KIF13B: variants seen among roughly 807,000 people sequenced by gnomAD.
The protein encoded by KIF13B is kinesin family member 13B, also known as kinesin-like protein KIF13B.
A neutral mutation model predicts 222.0 loss-of-function variants in KIF13B; 127 were observed. The ratio of observed to expected loss-of-function variants is 0.57; its 90% CI spans 0.50 to 0.66. The LOEUF (loss-of-function observed/expected upper bound fraction) is 0.66, where lower values mean the gene tolerates loss of function less well. Among genes scored for constraint, KIF13B ranks in the 30% least tolerant of loss-of-function variants. The pLI is 0.00. For synonymous variants in KIF13B, 976 were observed against 919.0 expected (o/e 1.06, Z -1.12); for missense variants, 2,173 against 2,379.0 (o/e 0.91, Z 1.80).
chr8:29,115,516 G>C (rs1191539360), intron 31 of KIF13B, among the ~76,000 whole-genome samples: 2 of 151,948 alleles, frequency 1.3e-5, no homozygotes, highest in Non-Finnish European at 2.9e-5. Flanking sequence ...AGTAGAGACA[G>C]GGTTTCTCCA....
At chr8:29,236,379 T>C (rs1408296601) in intron 2 of KIF13B, among the ~76,000 whole-genome samples, 1 of 152,152 alleles carries the variant, frequency 6.6e-6, no homozygotes, top group African/African-American at 2.4e-5. Flanking sequence ...AAATTAATGG[T>C]TTTCAGGGGT....
intron 2 of KIF13B, among the ~76,000 whole-genome samples, chr8:29,231,885 T>C (rs1050327076): frequency 1.3e-5 from 2 of 152,188 alleles, no homozygotes; most frequent in Non-Finnish European, 1.5e-5. Flanking sequence ...AATTTTTTTT[T>C]AAGAATTATA....
rs1311600973 is a variant in KIF13B at position 29,070,182 on chromosome 8, GGCCCCA to G, written c.*316_*321del. ...GGAAATGATAGAAAGAGCAACATAA[GGCCCCA>G]GGCACAGGCACACAGCAAGATCACC... On this transcript the variant is annotated 3_prime_UTR_variant, in exon 40 of 40. Transcript: ENST00000524189. This position sits in a 1 kb window ranked among gnomAD's most constrained non-coding sequence, Gnocchi z 4.1. The G allele has an allele frequency of 4.9e-6, 2 of 406,116 alleles. No individual in the cohort carries two copies. Among genetic ancestry groups the G allele is most frequent in the African/African-American group, 4.3e-5 (2 of 46,658 alleles). 25.2% of individuals were successfully genotyped at this position (406,116 alleles called of 1,614,324 possible).
At chr8:29,263,107 C>A (rs1816751528), upstream of KIF13B, 11 of 641,348 alleles carry the variant, frequency 1.7e-5, no homozygotes, top group South Asian at 1.3e-4. Context: ...GTTGACCCGG[C>A]GGGAGGGGGC....
At chr8:29,118,346 T>C (rs922897922) in intron 30 of KIF13B, among the ~76,000 whole-genome samples, 1 of 147,054 alleles carries the variant, frequency 6.8e-6, no homozygotes, top group Non-Finnish European at 1.5e-5. Context: ...AAAAAAAAAA[T>C]TAGCCAGGCA....
intron 2 of KIF13B, among the ~76,000 whole-genome samples, chr8:29,203,430 T>C (rs1401301594): frequency 6.6e-6 from 1 of 152,220 alleles, no homozygotes; most frequent in Non-Finnish European, 1.5e-5. Flanking sequence ...CCCTAGACAC[T>C]ATCTTTCTTA....
intron 2 of KIF13B, among the ~76,000 whole-genome samples, chr8:29,196,910 T>C (rs1035468566): frequency 6.6e-6 from 1 of 152,192 alleles, no homozygotes; most frequent in African/African-American, 2.4e-5. Context: ...TTGGATTTTC[T>C]ATGTGGGATG....
intron 12 of KIF13B, among the ~76,000 whole-genome samples, chr8:29,164,932 C>T (rs116745683): frequency 0.014 from 2,184 of 152,108 alleles, 56 homozygotes; most frequent in African/African-American, 0.049. Flanking sequence ...ACTCCAATCT[C>T]CACCTCCCGG....
chr8:29,114,562 A>G (rs1162006229), intron 31 of KIF13B, among the ~76,000 whole-genome samples: 1 of 152,134 alleles, frequency 6.6e-6, no homozygotes, highest in Non-Finnish European at 1.5e-5. Flanking sequence ...TTCCATTTGT[A>G]TGGAATTAGT....
chr8:29,256,970 G>T (rs1286650537), intron 1 of KIF13B, among the ~76,000 whole-genome samples: 2 of 152,074 alleles, frequency 1.3e-5, no homozygotes, highest in Non-Finnish European at 2.9e-5. Context: ...GGCCAGTCTG[G>T]TCTCAAACTC....
rs145873231 is a variant in KIF13B, at chr8:29,213,903, G to A, written c.150-17704C>T. ...CGGCAGGCGGAGGTTGCAGTGAGCCGAGATTGAGCCACAGCACTCCAGTCT... is the reference window on the plus strand; with the variant it reads ...CGGCAGGCGGAGGTTGCAGTGAGCCAAGATTGAGCCACAGCACTCCAGTCT... On this transcript the variant is annotated intron_variant, in intron 2 of 39. Coordinates refer to ENST00000524189, the MANE Select transcript of KIF13B (RefSeq NM_015254.4). Among the ~76,000 whole-genome samples the A allele has an allele frequency of 4.0e-3, 612 of 152,172 alleles. 4 individuals are homozygous for A. Among genetic ancestry groups the A allele is most frequent in the African/African-American group, 0.014 (570 of 41,512 alleles).
At chr8:29,258,822 C>T (rs150115397) in intron 1 of KIF13B, among the ~76,000 whole-genome samples, 66 of 152,328 alleles carry the variant, frequency 4.3e-4, no homozygotes, top group African/African-American at 1.5e-3. Context: ...TAGCAGCCTG[C>T]TACAGCTGTT....
At chr8:29,165,904 T>TTCGATTGTAGATCGAAATACC in intron 11 of KIF13B, 132 bp from the exon 12 acceptor site, 1 of 567,658 alleles carries the variant, frequency 1.8e-6, no homozygotes, top group Middle Eastern at 2.9e-4. Context: ...TGACATCTAC[T>TTCGATTGTAGATCGAAATACC]TCGATTGTAG....
At chr8:29,083,330 G>C (rs1203404330) in intron 37 of KIF13B, among the ~76,000 whole-genome samples, 1 of 152,136 alleles carries the variant, frequency 6.6e-6, no homozygotes, top group Non-Finnish European at 1.5e-5. Flanking sequence ...AGCTAGTTTT[G>C]ACAGAGACCA....
At position 29,222,446 on chromosome 8, in the gene KIF13B, G is replaced by A. The variant is rs182463854; in HGVS notation, c.149+22900C>T. Among the ~76,000 whole-genome samples, 314 of 149,342 alleles carry A rather than the reference G, an allele frequency of 2.1e-3. 1 individual carries two copies. Among genetic ancestry groups the A allele is most frequent in the African/African-American group, 6.3e-3 (254 of 40,498 alleles). ...AAATGGGTCTCAATCTGTCGCCCAG[G>A]CTAAAGTGTAGTAGTAAAATCATAG... On this transcript the variant is annotated intron_variant, in intron 2 of 39. Transcript: ENST00000524189.
intron 2 of KIF13B, among the ~76,000 whole-genome samples, chr8:29,208,941 C>A (rs2130461151): frequency 6.6e-6 from 1 of 152,302 alleles, no homozygotes. Context: ...GTGCATCTGC[C>A]AAACCCAAGT....
chr8:29,256,077 C>T (rs544659059), intron 1 of KIF13B, among the ~76,000 whole-genome samples: 1 of 152,216 alleles, frequency 6.6e-6, no homozygotes, highest in East Asian at 1.9e-4. Context: ...GCACTTCAGA[C>T]ACCTAAAACT....
In KIF13B at chr8:29,083,114, G is replaced by A. The variant is rs551865761; in HGVS notation, c.4459-7771C>T. Among the ~76,000 whole-genome samples, 13 of 152,160 alleles carry A rather than the reference G, an allele frequency of 8.5e-5. No individual in the cohort carries two copies. In the East Asian group the frequency reaches 1.5e-3, roughly 18 times the overall value. ...ACTGCACTCCAGCCTGGGCAACAGA[G>A]CAAGACCCTGTCTAAAAAAAAAAGC... is the stretch of plus-strand genomic sequence containing the variant. On this transcript the variant is annotated intron_variant, in intron 37 of 39. Coordinates refer to ENST00000524189, the MANE Select transcript of KIF13B (RefSeq NM_015254.4).
intron 34 of KIF13B, 121 bp from the exon 35 acceptor site, chr8:29,108,313 T>C (rs889663955): frequency 1.7e-5 from 14 of 827,108 alleles, no homozygotes; most frequent in African/African-American, 3.4e-5. Flanking sequence ...AGCAGAGAGG[T>C]TGTCATGACG....
Sources: gnomAD v4.1 joint callset for allele counts (sites outside exome capture counted in the v4.1 genomes callset) on GRCh38, gnomAD v4.1.1 for gene constraint, Gnocchi (gnomAD v3.1) non-coding constraint, MANE v1.5 for transcripts, NCBI Gene and HGNC (gene_info 2026-07-23, HGNC 2026-07-21) for gene names.